DAB1: variants seen among roughly 807,000 people sequenced by gnomAD.
DAB1 encodes DAB adaptor protein 1, also known as disabled homolog 1.
Under a neutral mutation model 64.6 loss-of-function variants are expected in DAB1, and 15 were observed. That is an observed-to-expected ratio of 0.23 (90% CI 0.16 to 0.36). The LOEUF (loss-of-function observed/expected upper bound fraction) is 0.36. Among genes scored for constraint, DAB1 ranks in the 10% least tolerant of loss-of-function variants. The probability of loss-of-function intolerance (pLI) is 1.00; values close to 1 mark genes in which losing one functional copy is unlikely to be tolerated. For synonymous variants in DAB1, 235 were observed against 251.9 expected, an observed-to-expected ratio of 0.93 and a Z score of 0.64; for missense variants, 596 against 706.7, an observed-to-expected ratio of 0.84 and a Z score of 1.78.
chr1:57,466,813 A>G (rs2101194390), intron 7 of DAB1, among the ~76,000 whole-genome samples: 1 of 152,230 alleles, frequency 6.6e-6, no homozygotes, highest in East Asian at 1.9e-4. Flanking sequence ...GTCAACCCCT[A>G]ATGCTACCTG....
intron 5 of DAB1, among the ~76,000 whole-genome samples, chr1:58,050,683 C>T (rs1046603374): frequency 3.9e-5 from 6 of 152,084 alleles, no homozygotes; most frequent in Non-Finnish European, 7.4e-5. Context: ...GTGCCCGCCA[C>T]CTCGCCTGGC....
At chr1:57,823,271 C>T (rs1652202353), downstream of DAB1, among the ~76,000 whole-genome samples, 4 of 151,978 alleles carry the variant, frequency 2.6e-5, no homozygotes, top group African/African-American at 9.7e-5. Context: ...GCGTGAGCCA[C>T]TGCGCCCAGC....
chr1:58,521,429 A>G (rs1646262122), intron 2 of DAB1, among the ~76,000 whole-genome samples: 1 of 151,810 alleles, frequency 6.6e-6, no homozygotes, highest in Admixed American at 6.6e-5. Flanking sequence ...TAAAATAATG[A>G]AAAAAAATGG....
rs576611355 is a variant in DAB1, at chr1:58,381,669, A to T, written n.258-38266T>A. 3.9e-5 allele frequency among the ~76,000 whole-genome samples: 6 copies of T among 152,300 alleles called. No homozygotes were observed. In the East Asian group the frequency reaches 1.2e-3, roughly 29 times the overall value. On this transcript the variant is annotated intron_variant and non_coding_transcript_variant, in intron 3 of 20. Coordinates refer to the DAB1 transcript ENST00000485760. The stretch of plus-strand genomic sequence containing the variant: ...GAATGCTTCCAAGGTTTTTAAATAA[A>T]CTGGGGGATAACTGAAATAAGGAAT...
intron 1 of DAB1, among the ~76,000 whole-genome samples, chr1:57,421,729 G>T (rs1227813736): frequency 6.6e-6 from 1 of 152,008 alleles, no homozygotes; most frequent in African/African-American, 2.4e-5. Context: ...GAATGCTGGG[G>T]TTTCAATCAA....
intron 1 of DAB1, among the ~76,000 whole-genome samples, chr1:57,395,210 G>C (rs1682708373): frequency 1.3e-5 from 2 of 152,090 alleles, no homozygotes; most frequent in South Asian, 4.1e-4. Flanking sequence ...ATTTTTAGTA[G>C]AGACGGGGTT....
intron 2 of DAB1, among the ~76,000 whole-genome samples, chr1:57,190,320 A>T (rs1322437322): frequency 1.3e-5 from 2 of 152,198 alleles, no homozygotes; most frequent in African/African-American, 4.8e-5. Context: ...TGTAACCAAC[A>T]TATGCCAAGT....
intron 3 of DAB1, among the ~76,000 whole-genome samples, chr1:58,451,907 CT>C (rs1244699554): frequency 4.1e-5 from 6 of 147,878 alleles, no homozygotes; most frequent in Non-Finnish European, 7.4e-5. Flanking sequence ...AAAGCATCCA[CT>C]TTTTTTCTTT....
At chr1:57,153,677 A>T (rs573880019) in intron 2 of DAB1, among the ~76,000 whole-genome samples, 1 of 151,892 alleles carries the variant, frequency 6.6e-6, no homozygotes, top group East Asian at 1.9e-4. Flanking sequence ...TTGCTCTGTC[A>T]CTCAGGCTGG....
At chr1:57,200,070 C>G (rs1664962504) in intron 2 of DAB1, among the ~76,000 whole-genome samples, 2 of 152,190 alleles carry the variant, frequency 1.3e-5, no homozygotes, top group African/African-American at 4.8e-5. Context: ...TTATTTCAAA[C>G]TAGATCATCA....
At chr1:57,304,005 C>T (rs545986992) in intron 1 of DAB1, among the ~76,000 whole-genome samples, 9 of 152,284 alleles carry the variant, frequency 5.9e-5, no homozygotes, top group African/African-American at 1.4e-4. Flanking sequence ...TACCTGTCAT[C>T]GGAACCCTTA....
chr1:57,070,838 C>T (rs1651386253), intron 7 of DAB1, 185 bp downstream of exon 7: 2 of 643,588 alleles, frequency 3.1e-6, no homozygotes, highest in East Asian at 5.3e-5. Flanking sequence ...CCGATGCCGG[C>T]CAAACTTCTG....
intron 6 of DAB1, among the ~76,000 whole-genome samples, chr1:57,773,320 T>C (rs1168458852): frequency 6.7e-6 from 1 of 150,212 alleles, no homozygotes; most frequent in Non-Finnish European, 1.5e-5. Context: ...ATTGGATTAT[T>C]TATCTTCTTG....
chr1:58,241,506 T>C (rs1660297031), intron 4 of DAB1, among the ~76,000 whole-genome samples: 1 of 151,570 alleles, frequency 6.6e-6, no homozygotes, highest in African/African-American at 2.4e-5. Context: ...TGAACACACA[T>C]AAATAAAGAG....
At chr1:57,326,681 A>G (rs544265379) in intron 1 of DAB1, among the ~76,000 whole-genome samples, 242 of 152,316 alleles carry the variant, frequency 1.6e-3, no homozygotes, top group Middle Eastern at 0.01. Context: ...GGTCTTTTTC[A>G]TGGCTGTGGA....
At chr1:57,140,927 G>A (rs1658532389) in intron 3 of DAB1, among the ~76,000 whole-genome samples, 8 of 152,116 alleles carry the variant, frequency 5.3e-5, no homozygotes. Context: ...TTGAGAATCA[G>A]ATGTATGATG....
At chr1:58,519,253 G>A (rs1646222867) in intron 2 of DAB1, among the ~76,000 whole-genome samples, 1 of 152,082 alleles carries the variant, frequency 6.6e-6, no homozygotes, top group Non-Finnish European at 1.5e-5. Flanking sequence ...TATTTTTGTG[G>A]GCACTTGGTA....
chr1:57,036,413 C>T (rs983906996), intron 9 of DAB1, among the ~76,000 whole-genome samples: 1 of 152,168 alleles, frequency 6.6e-6, no homozygotes, highest in African/African-American at 2.4e-5. Flanking sequence ...GAGCTGCTCT[C>T]TTACAGCTAC....
At chr1:57,647,143 G>T (rs966256394) in intron 7 of DAB1, among the ~76,000 whole-genome samples, 1 of 152,126 alleles carries the variant, frequency 6.6e-6, no homozygotes, top group African/African-American at 2.4e-5. Flanking sequence ...TGTTGCCAGG[G>T]CTACTGAAGC....
Sources: allele counts gnomAD v4.1 joint callset (sites outside exome capture counted in the v4.1 genomes callset), GRCh38; gene constraint gnomAD v4.1.1; transcripts MANE v1.5; gene names NCBI Gene and HGNC (gene_info 2026-07-23, HGNC 2026-07-21).